Variants in UBE2D4 observed in about 807,000 individuals in gnomAD.
UBE2D4 encodes the protein ubiquitin conjugating enzyme E2 D4.
Under a neutral mutation model 23.0 loss-of-function variants are expected in UBE2D4, and 17 were observed. That is an observed-to-expected ratio of 0.74 (90% CI 0.51 to 1.11). The LOEUF (loss-of-function observed/expected upper bound fraction) is 1.11. Ranked by LOEUF, UBE2D4 falls within the 50% of genes least tolerant of loss-of-function variation. The pLI, the probability that UBE2D4 is intolerant of heterozygous loss-of-function variation, is 0.00. For synonymous variants in UBE2D4, 61 were observed against 69.4 expected (o/e 0.88, Z 0.60); for missense variants, 139 against 181.8 (o/e 0.76, Z 1.35).
intron 1 of UBE2D4, among the ~76,000 whole-genome samples, chr7:43,929,134 T>TA (rs559823475): frequency 4.7e-4 from 71 of 151,886 alleles, no homozygotes; most frequent in South Asian, 1.0e-3. Flanking sequence ...CTACTAAAAA[T>TA]AAAAAAATGG....
Position 43,926,531 on chromosome 7 carries a change from G to T in UBE2D4, c.-2G>T. 1 of 1,555,842 alleles carries T rather than the reference G, an allele frequency of 6.4e-7. No individual in the cohort carries two copies. Among genetic ancestry groups the T allele is most frequent in the Non-Finnish European group, 8.7e-7 (1 of 1,154,942 alleles). ...CGCCCGGGTCCCCGGCAGCGGGGTA[G>T]GATGGCGCTAAAGCGGATCCAGAAG... On this transcript the variant is annotated 5_prime_UTR_variant, in exon 1 of 7. In the 5' UTR this introduces an upstream ATG that the reference lacks. Transcript: ENST00000222402.
Position 43,944,914 on chromosome 7 carries a change from A to G in UBE2D4, c.198+1883A>G, listed in dbSNP as rs1386658123. 2.0e-5 allele frequency: 3 copies of G among 152,168 alleles called. No homozygotes were observed. Among genetic ancestry groups the G allele is most frequent in the Admixed American group, 2.0e-4 (3 of 15,278 alleles). 9.4% of individuals were successfully genotyped at this position (152,168 alleles called of 1,614,324 possible). On this transcript the variant is annotated intron_variant, in intron 4 of 6. Coordinates refer to ENST00000222402, the MANE Select transcript of UBE2D4 (RefSeq NM_015983.4). The surrounding 1 kb of genome is among the most constrained non-coding windows in gnomAD (Gnocchi z 4.0). ...TTAAACAGATACCAATGTAGTCCTG[A>G]ATGTCTGTTGGGCATTTTCAGCATA...
At chr7:43,938,537 T>G (rs746187805) in intron 2 of UBE2D4, 43 bp downstream of exon 2, 4 of 1,597,476 alleles carry the variant, frequency 2.5e-6, no homozygotes, top group Non-Finnish European at 3.4e-6. Flanking sequence ...GCATTTTAAT[T>G]AAGACCCCCC....
At chr7:43,933,610 C>T (rs1048184125) in intron 1 of UBE2D4, among the ~76,000 whole-genome samples, 2 of 151,908 alleles carry the variant, frequency 1.3e-5, no homozygotes, top group African/African-American at 2.4e-5. Context: ...CATGGTGGTG[C>T]GTTCCTGTAA....
Position 43,950,702 on chromosome 7 carries a change from C to G in UBE2D4, c.398+10C>G. 1 of 1,612,030 alleles carries G rather than the reference C, an allele frequency of 6.2e-7. No homozygotes were observed. Among genetic ancestry groups the G allele is most frequent in the Middle Eastern group, 1.7e-4 (1 of 6,060 alleles). ...AGGCCGACAGAGAGAAGTACGTGTC[C>G]TCTTTGGGTTGCCTTTGCACCATGG... On this transcript the variant is annotated intron_variant, in intron 6 of 6. Coordinates refer to ENST00000222402, the MANE Select transcript of UBE2D4 (RefSeq NM_015983.4).
At chr7:43,938,630 G>A (rs747911069) in intron 2 of UBE2D4, 136 bp downstream of exon 2, 28 of 782,230 alleles carry the variant, frequency 3.6e-5, no homozygotes, top group African/African-American at 5.2e-5. Context: ...GAGGTCAGGA[G>A]TTTGAAACTA....
intron 2 of UBE2D4, among the ~76,000 whole-genome samples, chr7:43,939,183 A>T (rs1257600032): frequency 6.6e-6 from 1 of 152,250 alleles, no homozygotes; most frequent in African/African-American, 2.4e-5. Flanking sequence ...TCCTGGGAGC[A>T]GAGCAGGACA....
At chr7:43,926,700 G>A (rs2095931772) in intron 1 of UBE2D4, 144 bp downstream of exon 1, 1 of 893,684 alleles carries the variant, frequency 1.1e-6, no homozygotes, top group Non-Finnish European at 1.6e-6. Context: ...ACAGCCTCCC[G>A]CGCAGCCTGA....
At chr7:43,947,493 T>C (rs1020043671) in intron 4 of UBE2D4, among the ~76,000 whole-genome samples, 1 of 152,220 alleles carries the variant, frequency 6.6e-6, no homozygotes, top group Admixed American at 6.5e-5. Flanking sequence ...GTTTCATCCA[T>C]GTCTCTGCAA....
intron 2 of UBE2D4, among the ~76,000 whole-genome samples, chr7:43,940,051 C>A (rs182188707): frequency 6.6e-6 from 1 of 152,126 alleles, no homozygotes; most frequent in Admixed American, 6.5e-5. Context: ...AGAAATTTCA[C>A]AAAGCTGGAA....
rs750912642 is a variant in UBE2D4 at position 43,949,853 on chromosome 7, ATTTC to A, written c.305-742_305-739del. Among the ~76,000 whole-genome samples the A allele has an allele frequency of 1.9e-3, 289 of 151,778 alleles. 2 individuals carry two copies. The highest frequency in any genetic ancestry group is 2.5e-3 in the Non-Finnish European group (170 of 67,912). ...TGCAGTTAGAAGGACCTGGTTCAGA[ATTTC>A]TTTATTTTTTTTTTGAGATCGAGTT... On this transcript the variant is annotated intron_variant, in intron 5 of 6. Transcript: ENST00000222402.
rs956850092 is a variant in UBE2D4, at chr7:43,932,223, T to G, written c.24+5667T>G. Among the ~76,000 whole-genome samples the G allele has an allele frequency of 2.7e-5, 4 of 146,558 alleles. No homozygotes were observed. The South Asian group carries it at 8.7e-4, about 32-fold the overall frequency. ...CCAGGATGGTCTCGATCTCCTGACC[T>G]CGTGATCCACCCGCCTTGGCCTCCC... On this transcript the variant is annotated intron_variant, in intron 1 of 6. Transcript: ENST00000222402.
At chr7:43,933,769 G>C (rs1402761818) in intron 1 of UBE2D4, among the ~76,000 whole-genome samples, 1 of 152,062 alleles carries the variant, frequency 6.6e-6, no homozygotes, top group East Asian at 1.9e-4. Flanking sequence ...AAAATAAAGA[G>C]AACTTGGAAA....
intron 2 of UBE2D4, among the ~76,000 whole-genome samples, chr7:43,939,856 TG>T (rs1438480619): frequency 6.6e-6 from 1 of 151,852 alleles, no homozygotes; most frequent in Non-Finnish European, 1.5e-5. Flanking sequence ...CTGAGGCTGA[TG>T]GGGGGTGGAA....
In UBE2D4 at chr7:43,933,693, G is replaced by A. The variant is rs775403514; in HGVS notation, c.25-4738G>A. Among the ~76,000 whole-genome samples the A allele has an allele frequency of 5.9e-5, 9 of 152,238 alleles. No individual in the cohort carries two copies. The South Asian group carries it at 1.2e-3, about 21-fold the overall frequency. On this transcript the variant is annotated intron_variant, in intron 1 of 6. Coordinates refer to ENST00000222402, the MANE Select transcript of UBE2D4 (RefSeq NM_015983.4). The stretch of plus-strand genomic sequence containing the variant: ...CAGTAGGCAGAGGTTGCAGTGAGCC[G>A]AGATGGTGCCAGTGTACTCCAGTCT...
intron 1 of UBE2D4, among the ~76,000 whole-genome samples, chr7:43,930,705 C>T (rs2095943390): frequency 6.6e-6 from 1 of 152,206 alleles, no homozygotes; most frequent in Non-Finnish European, 1.5e-5. Context: ...CCTCCCACCT[C>T]AGCCTCCTAA....
intron 1 of UBE2D4, among the ~76,000 whole-genome samples, chr7:43,929,192 A>C (rs2095940119): frequency 6.6e-6 from 1 of 152,190 alleles, no homozygotes; most frequent in African/African-American, 2.4e-5. Context: ...TGGGAGGCCA[A>C]GGCGGGTGTA....
At position 43,942,993 on chromosome 7, in the gene UBE2D4, A is replaced by G; in HGVS notation, c.160A>G (p.Ile54Val). The change falls in exon 4 of 7, where the codon ATC becomes GTC. Residue 54 changes from isoleucine (I) to valine (V), a missense_variant. Coordinates refer to ENST00000222402, the MANE Select transcript of UBE2D4 (RefSeq NM_015983.4). ...CCAAGGAGGTGTTTTCTTCCTGACC[A>G]TCCACTTTCCTACAGATTACCCGTT... ...PYQGGVFFLT[I>V]HFPTDYPFKP... is the part of the protein sequence containing the mutation. 1 of 1,614,126 alleles carries G rather than the reference A, an allele frequency of 6.2e-7. No individual in the cohort carries two copies. The highest frequency in any genetic ancestry group is 8.5e-7 in the Non-Finnish European group (1 of 1,180,018).
chr7:43,955,277 A>G lies in UBE2D4; in HGVS notation c.*2582A>G, dbSNP rs945816263. ...AACTAGACATCAAATCTGAGAAGCC[A>G]ACTGTGGAGTAATGTGTTTTTTTCT... On this transcript the variant is annotated 3_prime_UTR_variant, in exon 7 of 7. Transcript: ENST00000222402. 8.5e-5 allele frequency: 13 copies of G among 152,202 alleles called. No individual in the cohort carries two copies. Among genetic ancestry groups the G allele is most frequent in the African/African-American group, 2.4e-4 (10 of 41,452 alleles). The allele number at this position is 152,202 out of a possible 1,614,324, so 9.4% of individuals were successfully genotyped here. A position where few individuals can be genotyped will look rare whatever the true frequency, so the allele number is the denominator to read the frequency against.
Sources: gnomAD v4.1 joint callset for allele counts (sites outside exome capture counted in the v4.1 genomes callset) on GRCh38, gnomAD v4.1.1 for gene constraint, Gnocchi (gnomAD v3.1) non-coding constraint, MANE v1.5 for transcripts, NCBI Gene and HGNC (gene_info 2026-07-23, HGNC 2026-07-21) for gene names.